PTPN3: variants seen among roughly 807,000 people sequenced by gnomAD.
PTPN3 encodes protein tyrosine phosphatase non-receptor type 3.
A neutral mutation model predicts 132.7 loss-of-function variants in PTPN3; 96 were observed. The observed-to-expected ratio is 0.72, with a 90% CI of 0.61 to 0.86. PTPN3 has a LOEUF of 0.86. Among genes scored for constraint, PTPN3 ranks in the 40% least tolerant of loss-of-function variants. The pLI, the probability that PTPN3 is intolerant of heterozygous loss-of-function variation, is 0.00. For missense variants in PTPN3, 1,125 were observed against 1,159.6 expected (o/e 0.97, Z 0.43); for synonymous variants, 398 against 429.0 (o/e 0.93, Z 0.89).
chr9:109,511,505 T>C, the PTPN3 span: 1 of 153,658 alleles, frequency 6.5e-6, no homozygotes, highest in African/African-American at 2.4e-5. Context: ...CTACCTGCCA[T>C]GTTTGTCATA....
chr9:109,433,631 T>C (rs1843818151), intron 9 of PTPN3, among the ~76,000 whole-genome samples: 1 of 152,110 alleles, frequency 6.6e-6, no homozygotes, highest in Non-Finnish European at 1.5e-5. Context: ...GTTGGCTGGG[T>C]GAGGTGGCTC....
chr9:109,499,838 G>T (rs552737714), upstream of PTPN3, among the ~76,000 whole-genome samples: 3 of 152,318 alleles, frequency 2.0e-5, no homozygotes, highest in South Asian at 6.2e-4. Context: ...CCAGGGGCAG[G>T]ACCGCCCGCG....
chr9:109,445,374 T>A lies in PTPN3; in HGVS notation c.414-82A>T, dbSNP rs530729717. 3.2e-4 allele frequency: 394 copies of A among 1,235,696 alleles called. 5 individuals are homozygous for A. In the South Asian group the frequency reaches 4.6e-3, roughly 15 times the overall value. 76.5% of individuals were successfully genotyped at this position (1,235,696 alleles called of 1,614,324 possible). A position where few individuals can be genotyped will look rare whatever the true frequency, so the allele number is the denominator to read the frequency against. ...TTGACAGATCATGCGTAGTAACACA[T>A]GTCTTTCTTTGCTTTGATCAACCAT... On this transcript the variant is annotated intron_variant, in intron 6 of 25. Transcript: ENST00000374541.
chr9:109,436,796 A>G (rs923998743), intron 9 of PTPN3, 87 bp downstream of exon 9: 2 of 1,517,558 alleles, frequency 1.3e-6, no homozygotes, highest in African/African-American at 1.4e-5. Flanking sequence ...AATGAAAAAG[A>G]AATAGTTTCA....
upstream of PTPN3, among the ~76,000 whole-genome samples, chr9:109,501,644 T>A (rs1460390481): frequency 6.6e-6 from 1 of 152,208 alleles, no homozygotes; most frequent in Non-Finnish European, 1.5e-5. Flanking sequence ...AAATGGGGCT[T>A]TTGAATGGGC....
chr9:109,384,353 G>A (rs760756646), intron 22 of PTPN3, among the ~76,000 whole-genome samples: 5 of 152,174 alleles, frequency 3.3e-5, no homozygotes, highest in Non-Finnish European at 7.3e-5. Context: ...CTTAGGTGAC[G>A]CCCTAAAGAG....
the PTPN3 span, among the ~76,000 whole-genome samples, chr9:109,524,960 A>G: frequency 6.6e-6 from 1 of 152,056 alleles, no homozygotes; most frequent in Non-Finnish European, 1.5e-5. Flanking sequence ...CTGGTTTCAA[A>G]CTCCTGGCCT....
intron 9 of PTPN3, 98 bp from the exon 10 acceptor site, chr9:109,433,259 T>C: frequency 2.0e-6 from 3 of 1,485,880 alleles, no homozygotes; most frequent in Non-Finnish European, 2.7e-6. Context: ...TAGTCATATG[T>C]ATAGGCTCCA....
At chr9:109,433,733 C>G (rs1262994215) in intron 9 of PTPN3, among the ~76,000 whole-genome samples, 1 of 152,078 alleles carries the variant, frequency 6.6e-6, no homozygotes, top group Non-Finnish European at 1.5e-5. Flanking sequence ...TGGCGAAACT[C>G]TGTCTCTACA....
At chr9:109,507,683 A>T in the PTPN3 span, among the ~76,000 whole-genome samples, 1 of 152,228 alleles carries the variant, frequency 6.6e-6, no homozygotes, top group African/African-American at 2.4e-5. Context: ...TCAGCCAGGG[A>T]CAGCAGAGTT....
At chr9:109,527,885 C>G in the PTPN3 span, among the ~76,000 whole-genome samples, 38 of 152,200 alleles carry the variant, frequency 2.5e-4, no homozygotes, top group African/African-American at 8.9e-4. Flanking sequence ...GACTCATAAT[C>G]AGAATATATA....
intron 13 of PTPN3, 33 bp from the exon 14 acceptor site, chr9:109,420,633 C>A: frequency 1.3e-6 from 2 of 1,577,330 alleles, no homozygotes; most frequent in South Asian, 2.3e-5. Flanking sequence ...GCAAAGTGTT[C>A]AAAGCAAATT....
chr9:109,451,227 AAT>A (rs149639840), intron 5 of PTPN3: 125 of 952,350 alleles, frequency 1.3e-4, no homozygotes, highest in Non-Finnish European at 1.4e-4. Context: ...TGTTTCAAAA[AAT>A]ATATATATAT....
intron 8 of PTPN3, 94 bp from the exon 9 acceptor site, chr9:109,437,064 G>A: frequency 6.4e-7 from 1 of 1,551,346 alleles, no homozygotes; most frequent in Non-Finnish European, 8.7e-7. Context: ...TACCATTTCT[G>A]TAAGGTTATT....
In PTPN3 at chr9:109,382,370, G is replaced by T. The variant is rs571043610; in HGVS notation, c.2460C>A (p.Asp820Glu). The part of the protein sequence containing the change: ...PDHGVPDDSS[D>E]FLEFVNYVRS... ...TCACATAGTTTACAAATTCCAGAAAGTCGGAGGAGTCATCGGGCACACCGT... is the reference window on the plus strand; with the variant it reads ...TCACATAGTTTACAAATTCCAGAAATTCGGAGGAGTCATCGGGCACACCGT... The change falls in exon 24 of 26, where the codon GAC becomes GAA. Residue 820 changes from aspartate (D) to glutamate (E), a missense_variant. Coordinates refer to ENST00000374541, the MANE Select transcript of PTPN3 (RefSeq NM_002829.4). The T allele has an allele frequency of 6.2e-7, 1 of 1,614,136 alleles. No homozygotes were observed. Among genetic ancestry groups the T allele is most frequent in the East Asian group, 2.2e-5 (1 of 44,884 alleles).
Position 109,452,713 on chromosome 9 carries a change from C to T in PTPN3, c.368+1783G>A, listed in dbSNP as rs183453179. On this transcript the variant is annotated intron_variant, in intron 5 of 25. Transcript: ENST00000374541. ...TGAGATGCTGACACATGCACCACCA[C>T]ACCTGACTACTTTTTTATTTTTATT... is the stretch of plus-strand genomic sequence containing the variant. Among the ~76,000 whole-genome samples, 3 of 152,186 alleles carry T rather than the reference C, an allele frequency of 2.0e-5. No homozygotes were observed. In the East Asian group the frequency reaches 5.8e-4, roughly 29 times the overall value.
At chr9:109,441,535 G>A (rs1359920845) in intron 7 of PTPN3, among the ~76,000 whole-genome samples, 2 of 152,146 alleles carry the variant, frequency 1.3e-5, no homozygotes, top group East Asian at 3.9e-4. Context: ...CCTCCCTACA[G>A]GCTGTAGACT....
chr9:109,412,485 A>C (rs1269446995), intron 14 of PTPN3, among the ~76,000 whole-genome samples: 1 of 151,530 alleles, frequency 6.6e-6, no homozygotes, highest in Admixed American at 6.6e-5. Flanking sequence ...ATGATTCTCC[A>C]ACCTCAGCCT....
chr9:109,510,573 A>AT, the PTPN3 span, among the ~76,000 whole-genome samples: 5 of 50,844 alleles, frequency 9.8e-5, no homozygotes, highest in Admixed American at 2.6e-4. Flanking sequence ...AAAAAAAAAA[A>AT]AAAATATATA....
Sources: gnomAD v4.1 joint callset for allele counts (sites outside exome capture counted in the v4.1 genomes callset) on GRCh38, gnomAD v4.1.1 for gene constraint, MANE v1.5 for transcripts, NCBI Gene and HGNC (gene_info 2026-07-23, HGNC 2026-07-21) for gene names.